GPC6: variants seen among roughly 807,000 people sequenced by gnomAD.
GPC6 encodes glypican 6.
Under a neutral mutation model 55.2 loss-of-function variants are expected in GPC6, and 14 were observed. The observed-to-expected ratio is 0.25, with a 90% CI of 0.17 to 0.40. GPC6 has a LOEUF of 0.40. Among genes scored for constraint, GPC6 ranks in the 10% least tolerant of loss-of-function variants. The pLI, the probability that GPC6 is intolerant of heterozygous loss-of-function variation, is 1.00. For synonymous variants in GPC6, 278 were observed against 259.6 expected (o/e 1.07, Z -0.68); for missense variants, 641 against 708.5 (o/e 0.90, Z 1.08).
At chr13:93,412,453 C>T (rs527708026) in intron 1 of GPC6, among the ~76,000 whole-genome samples, 5 of 152,106 alleles carry the variant, frequency 3.3e-5, no homozygotes, top group South Asian at 2.1e-4. Flanking sequence ...GTCAGGGGTT[C>T]GAGACCAGCC....
chr13:94,107,390 C>T (rs1157247598), intron 4 of GPC6, among the ~76,000 whole-genome samples: 3 of 152,026 alleles, frequency 2.0e-5, no homozygotes, highest in Non-Finnish European at 2.9e-5. Flanking sequence ...TGAGTTATTT[C>T]TACATTTGCT....
chr13:94,096,641 C>T (rs982596845), intron 4 of GPC6, among the ~76,000 whole-genome samples: 6 of 152,160 alleles, frequency 3.9e-5, no homozygotes, highest in Non-Finnish European at 5.9e-5. Flanking sequence ...AAATCCCAGA[C>T]ATTTGTATCC....
intron 2 of GPC6, among the ~76,000 whole-genome samples, chr13:93,583,533 C>T (rs1475174435): frequency 6.6e-6 from 1 of 152,102 alleles, no homozygotes; most frequent in East Asian, 1.9e-4. Context: ...ATTCTCCTGA[C>T]TCAGCCTCCT....
intron 1 of GPC6, among the ~76,000 whole-genome samples, chr13:93,450,251 A>T (rs922089049): frequency 6.6e-6 from 1 of 152,242 alleles, no homozygotes; most frequent in Non-Finnish European, 1.5e-5. Flanking sequence ...AGTAACATAA[A>T]AAGTTAACAA....
At chr13:94,282,861 A>T (rs1057163472) in intron 4 of GPC6, among the ~76,000 whole-genome samples, 3 of 152,250 alleles carry the variant, frequency 2.0e-5, no homozygotes, top group African/African-American at 7.2e-5. Context: ...GCTGTTAGTC[A>T]TAAGAGTCAC....
chr13:94,296,410 A>G (rs1167452959), intron 5 of GPC6, among the ~76,000 whole-genome samples: 1 of 152,204 alleles, frequency 6.6e-6, no homozygotes, highest in Non-Finnish European at 1.5e-5. Flanking sequence ...ATTCTTAGGA[A>G]CAAGAGAAGG....
intron 1 of GPC6, among the ~76,000 whole-genome samples, chr13:93,406,708 A>G (rs1045930747): frequency 3.3e-5 from 5 of 152,128 alleles, no homozygotes; most frequent in Non-Finnish European, 5.9e-5. Flanking sequence ...TTGGATGAAA[A>G]TGGGGTACTA....
At chr13:93,334,352 GAATTGACTAATCA>G (rs1463364643) in intron 1 of GPC6, among the ~76,000 whole-genome samples, 1 of 152,032 alleles carries the variant, frequency 6.6e-6, no homozygotes. Context: ...ATACATCATA[GAATTGACTAATCA>G]AAGTCCAAGA....
At chr13:93,460,624 T>C (rs570268440) in intron 1 of GPC6, among the ~76,000 whole-genome samples, 34 of 152,278 alleles carry the variant, frequency 2.2e-4, no homozygotes, top group Middle Eastern at 3.4e-3. Flanking sequence ...TCTTGATGTA[T>C]TGGAAAACGT....
chr13:93,785,820 G>C (rs1885800159), intron 2 of GPC6, among the ~76,000 whole-genome samples: 2 of 152,016 alleles, frequency 1.3e-5, no homozygotes, highest in African/African-American at 4.8e-5. Flanking sequence ...AAATTAGCCA[G>C]GCAGAGTGGG....
intron 4 of GPC6, among the ~76,000 whole-genome samples, chr13:94,054,913 T>C (rs1483529496): frequency 6.6e-6 from 1 of 152,110 alleles, no homozygotes; most frequent in Non-Finnish European, 1.5e-5. Flanking sequence ...CAAACCCGAA[T>C]TAATCTTATT....
chr13:93,350,229 G>A (rs1267251296), intron 1 of GPC6, among the ~76,000 whole-genome samples: 2 of 152,138 alleles, frequency 1.3e-5, no homozygotes, highest in Non-Finnish European at 2.9e-5. Context: ...GAAGTCAGGA[G>A]TTTGAGACAA....
At chr13:94,247,176 A>T (rs1027512909) in intron 4 of GPC6, among the ~76,000 whole-genome samples, 8 of 152,126 alleles carry the variant, frequency 5.3e-5, no homozygotes, top group Non-Finnish European at 8.8e-5. Flanking sequence ...TTAAAATGTC[A>T]TAGATTTTCA....
At chr13:93,741,934 A>C (rs1245281274) in intron 2 of GPC6, among the ~76,000 whole-genome samples, 1 of 152,336 alleles carries the variant, frequency 6.6e-6, no homozygotes, top group South Asian at 2.1e-4. Flanking sequence ...ATATTTACAT[A>C]TTATATTTTT....
intron 2 of GPC6, among the ~76,000 whole-genome samples, chr13:93,585,388 A>G (rs550781602): frequency 1.2e-4 from 19 of 152,294 alleles, no homozygotes; most frequent in Admixed American, 1.2e-3. Context: ...AACAGTTAAT[A>G]TTGGAATTTT....
intron 4 of GPC6, among the ~76,000 whole-genome samples, chr13:94,267,770 A>G (rs1461889738): frequency 6.6e-6 from 1 of 152,182 alleles, no homozygotes; most frequent in Non-Finnish European, 1.5e-5. Flanking sequence ...GCTTTGGGGA[A>G]AAAAGCACTT....
intron 1 of GPC6, among the ~76,000 whole-genome samples, chr13:93,492,313 C>T (rs1880048342): frequency 7.2e-6 from 1 of 138,636 alleles, no homozygotes; most frequent in Non-Finnish European, 1.6e-5. Flanking sequence ...CATGATTTGG[C>T]TCTCTGTTTG....
intron 2 of GPC6, among the ~76,000 whole-genome samples, chr13:93,820,498 T>C (rs554640393): frequency 2.6e-5 from 4 of 152,184 alleles, no homozygotes; most frequent in Admixed American, 2.6e-4. Flanking sequence ...CTGAAAATAA[T>C]TCTCCTTGTT....
At chr13:93,387,657 T>G (rs878930861) in intron 1 of GPC6, among the ~76,000 whole-genome samples, 4 of 152,174 alleles carry the variant, frequency 2.6e-5, no homozygotes, top group Admixed American at 2.6e-4. Flanking sequence ...TACCAAACGA[T>G]CTCTATAGAC....
Sources: allele counts gnomAD v4.1 joint callset (sites outside exome capture counted in the v4.1 genomes callset), GRCh38; gene constraint gnomAD v4.1.1; transcripts MANE v1.5; gene names NCBI Gene and HGNC (gene_info 2026-07-23, HGNC 2026-07-21).